The following GRM1 variants were observed in gnomAD, a reference collection of about 807,000 sequenced individuals.
GRM1 encodes the protein glutamate metabotropic receptor 1.
In GRM1, 33 loss-of-function variants were observed where a neutral mutation model predicts 90.9. That is an observed-to-expected ratio of 0.36 (90% confidence interval 0.28 to 0.49). The LOEUF is 0.49. Among genes scored for constraint, GRM1 ranks in the 20% least tolerant of loss-of-function variants. The probability of loss-of-function intolerance (pLI) is 0.99; values close to 1 mark genes in which losing one functional copy is unlikely to be tolerated. For synonymous variants in GRM1, 700 were observed against 613.2 expected (o/e 1.14, Z -2.09); for missense variants, 1,190 against 1,534.3 (o/e 0.78, Z 3.75).
chr6:146,334,235 G>C (rs1470367247), intron 3 of GRM1, among the ~76,000 whole-genome samples: 1 of 152,182 alleles, frequency 6.6e-6, no homozygotes, highest in Admixed American at 6.6e-5. Flanking sequence ...TACTCCTTGG[G>C]TAAAAGTTTC....
intron 1 of GRM1, among the ~76,000 whole-genome samples, chr6:146,137,444 T>C (rs1776666859): frequency 6.6e-6 from 1 of 152,242 alleles, no homozygotes; most frequent in Non-Finnish European, 1.5e-5. Flanking sequence ...TGTATGGTCT[T>C]GGCATCTTTG....
intron 2 of GRM1, among the ~76,000 whole-genome samples, chr6:146,238,203 C>T (rs1780720590): frequency 6.6e-6 from 1 of 152,110 alleles, no homozygotes; most frequent in Non-Finnish European, 1.5e-5. Flanking sequence ...TTTGGTTTTA[C>T]TAATATGCTA....
intron 1 of GRM1, among the ~76,000 whole-genome samples, chr6:146,095,718 G>A (rs1315651486): frequency 6.6e-6 from 1 of 152,116 alleles, no homozygotes; most frequent in Non-Finnish European, 1.5e-5. Context: ...AAATGTGTTG[G>A]ATGAATGATG....
chr6:146,191,744 G>A (rs147884744), intron 2 of GRM1, among the ~76,000 whole-genome samples: 40 of 151,118 alleles, frequency 2.6e-4, no homozygotes, highest in East Asian at 2.5e-3. Flanking sequence ...CTTCATTCCC[G>A]TATCCATCTT....
intron 2 of GRM1, among the ~76,000 whole-genome samples, chr6:146,178,638 T>C (rs777083839): frequency 6.6e-6 from 1 of 152,128 alleles, no homozygotes; most frequent in Non-Finnish European, 1.5e-5. Context: ...AAGTTTTAGG[T>C]TTTGGGACAT....
intron 1 of GRM1, among the ~76,000 whole-genome samples, chr6:146,091,990 G>A (rs1181891008): frequency 2.0e-5 from 3 of 152,056 alleles, no homozygotes; most frequent in African/African-American, 7.2e-5. Flanking sequence ...CAGTTAACCA[G>A]GCTGTGAATT....
chr6:146,259,239 G>A (rs1781593371), intron 2 of GRM1, among the ~76,000 whole-genome samples: 1 of 152,008 alleles, frequency 6.6e-6, no homozygotes, highest in Non-Finnish European at 1.5e-5. Context: ...TAGGATGGTG[G>A]CCTGATCTCA....
At position 146,105,971 on chromosome 6, in the gene GRM1, T is replaced by TATCTC. The variant is rs780976152; in HGVS notation, c.701-53374_701-53370dup. Among the ~76,000 whole-genome samples the TATCTC allele has an allele frequency of 4.6e-5, 7 of 152,282 alleles. No individual in the cohort carries two copies. The South Asian group carries it at 1.2e-3, about 27-fold the overall frequency. On this transcript the variant is annotated intron_variant, in intron 1 of 7. Transcript: ENST00000282753. ...AATTCCACTCAGTACCTTTGAGCAA[T>TATCTC]ATCTCATAAAGCAAATCTTGTTACC... is the stretch of plus-strand genomic sequence containing the variant.
intron 2 of GRM1, among the ~76,000 whole-genome samples, chr6:146,212,257 C>T (rs958635422): frequency 6.6e-6 from 1 of 152,192 alleles, no homozygotes; most frequent in African/African-American, 2.4e-5. Flanking sequence ...TAAGTTGACA[C>T]ATCTGAAGAC....
intron 2 of GRM1, among the ~76,000 whole-genome samples, chr6:146,233,879 T>G (rs1345776406): frequency 6.6e-6 from 1 of 152,116 alleles, no homozygotes; most frequent in East Asian, 1.9e-4. Context: ...TTCTATCAAT[T>G]ACTAAGAAAA....
At chr6:146,357,439 G>T (rs1316819238) in intron 4 of GRM1, 87 bp from the exon 5 acceptor site, 5 of 1,073,786 alleles carry the variant, frequency 4.7e-6, no homozygotes, top group African/African-American at 3.1e-5. Context: ...GCTTTCTCTT[G>T]TTTCTATTAT....
At chr6:146,305,906 G>A (rs1783563315) in intron 3 of GRM1, among the ~76,000 whole-genome samples, 1 of 152,158 alleles carries the variant, frequency 6.6e-6, no homozygotes, top group Non-Finnish European at 1.5e-5. Context: ...ACATGAAATA[G>A]ACAAATAACA....
At chr6:146,418,194 T>C (rs1268857722) in intron 7 of GRM1, among the ~76,000 whole-genome samples, 2 of 152,124 alleles carry the variant, frequency 1.3e-5, no homozygotes, top group African/African-American at 4.8e-5. Context: ...TAGTAGCTGT[T>C]CATATCTTTT....
At chr6:146,041,748 G>A (rs1451344296) in intron 1 of GRM1, among the ~76,000 whole-genome samples, 2 of 151,994 alleles carry the variant, frequency 1.3e-5, no homozygotes, top group Admixed American at 6.6e-5. Flanking sequence ...TGGGTTATTG[G>A]TGATGATAAT....
intron 7 of GRM1, among the ~76,000 whole-genome samples, chr6:146,404,329 A>T (rs1322673071): frequency 2.6e-5 from 4 of 151,598 alleles, no homozygotes; most frequent in African/African-American, 7.3e-5. Flanking sequence ...GTCAAGATAA[A>T]ATATATATAT....
At chr6:146,264,225 G>T (rs1161613881) in intron 2 of GRM1, among the ~76,000 whole-genome samples, 2 of 152,040 alleles carry the variant, frequency 1.3e-5, no homozygotes, top group Non-Finnish European at 2.9e-5. Flanking sequence ...TTTGCTTACT[G>T]TCCTATAGAA....
chr6:146,030,341 C>G, intron 1 of GRM1, 124 bp downstream of exon 1: 1 of 749,874 alleles, frequency 1.3e-6, no homozygotes, highest in Non-Finnish European at 2.3e-6. Context: ...TTACCCTTCT[C>G]AGTACTGCCC....
At chr6:146,148,464 A>G (rs1403639507) in intron 1 of GRM1, among the ~76,000 whole-genome samples, 1 of 152,168 alleles carries the variant, frequency 6.6e-6, no homozygotes, top group East Asian at 1.9e-4. Context: ...TATGACATAA[A>G]TATTTTCCCT....
rs905001658 is a variant in GRM1 at position 146,436,536 on chromosome 6, A to G, written c.*1740A>G. The G allele has an allele frequency of 1.3e-5, 2 of 152,164 alleles. No homozygotes were observed. The highest frequency in any genetic ancestry group is 1.5e-5 in the Non-Finnish European group (1 of 68,028). The allele number at this position is 152,164 out of a possible 1,614,324, so 9.4% of individuals were successfully genotyped here. ...CTAATAATTTGTAAAATCTTTATCA[A>G]TCACATTTTGCCTTCTTTTAATTTT... On this transcript the variant is annotated 3_prime_UTR_variant, in exon 8 of 8. Coordinates refer to ENST00000282753, the MANE Select transcript of GRM1 (RefSeq NM_001278064.2).
Sources: allele counts gnomAD v4.1 joint callset (sites outside exome capture counted in the v4.1 genomes callset), GRCh38; gene constraint gnomAD v4.1.1; transcripts MANE v1.5; gene names NCBI Gene and HGNC (gene_info 2026-07-23, HGNC 2026-07-21).